CASZ1: variants seen among roughly 807,000 people sequenced by gnomAD.
The protein encoded by CASZ1 is zinc finger protein castor homolog 1.
CASZ1 carries 28 observed loss-of-function variants against 135.2 expected under a neutral mutation model. The observed-to-expected ratio is 0.21, with a 90% CI of 0.15 to 0.28. CASZ1 has a LOEUF of 0.28. Among genes scored for constraint, CASZ1 ranks in the 10% least tolerant of loss-of-function variants. The probability of loss-of-function intolerance (pLI) is 1.00; values close to 1 mark genes in which losing one functional copy is unlikely to be tolerated. For missense variants in CASZ1, 2,161 were observed against 2,453.3 expected, an observed-to-expected ratio of 0.88 and a Z score of 2.52; for synonymous variants, 1,068 against 1,073.4, an observed-to-expected ratio of 0.99 and a Z score of 0.10.
At chr1:10,663,011 C>A (rs1458913409) in intron 5 of CASZ1, among the ~76,000 whole-genome samples, 1 of 152,266 alleles carries the variant, frequency 6.6e-6, no homozygotes, top group African/African-American at 2.4e-5. Context: ...TGCTACATGC[C>A]TCCCGTGTGC....
intron 1 of CASZ1, among the ~76,000 whole-genome samples, chr1:10,761,494 C>T (rs1249169995): frequency 1.3e-5 from 2 of 152,196 alleles, no homozygotes; most frequent in African/African-American, 4.8e-5. Flanking sequence ...GGGTGTGGGC[C>T]CTTGCCCTGA....
Position 10,735,849 on chromosome 1 carries a change from T to G in CASZ1, c.-77+24852A>C, listed in dbSNP as rs532646904. Among the ~76,000 whole-genome samples, 2 of 152,244 alleles carry G rather than the reference T, an allele frequency of 1.3e-5. No homozygotes were observed. The highest frequency in any genetic ancestry group is 4.1e-4 in the South Asian group (2 of 4,822). Reference sequence around the variant, plus strand: ...AGGTAGTCAGGGAGCCCAGAGGCAGTGGCTTAGGATCAGGGGCAGCCCCAG... The same window carrying G: ...AGGTAGTCAGGGAGCCCAGAGGCAGGGGCTTAGGATCAGGGGCAGCCCCAG... On this transcript the variant is annotated intron_variant, in intron 2 of 20. Transcript: ENST00000377022. The surrounding 1 kb of genome is among the most constrained non-coding windows in gnomAD (Gnocchi z 5.1).
intron 4 of CASZ1, among the ~76,000 whole-genome samples, chr1:10,668,239 C>T (rs944742479): frequency 5.9e-5 from 9 of 152,124 alleles, no homozygotes; most frequent in African/African-American, 1.9e-4. Flanking sequence ...GATCCATAGA[C>T]GATCCGCCCC....
chr1:10,732,320 CAAAAAAA>C (rs779997881), intron 2 of CASZ1, among the ~76,000 whole-genome samples: 2 of 65,566 alleles, frequency 3.1e-5, no homozygotes, highest in Admixed American at 1.7e-4. Flanking sequence ...GACTCCGTCT[CAAAAAAA>C]AAAAAAAAAG....
rs540526023 is a variant in CASZ1, at chr1:10,719,988, A to T, written c.-76-14444T>A. On this transcript the variant is annotated intron_variant, in intron 2 of 20. Coordinates refer to ENST00000377022, the MANE Select transcript of CASZ1 (RefSeq NM_001079843.3). The surrounding 1 kb of genome is among the most constrained non-coding windows in gnomAD (Gnocchi z 4.0). Reference sequence around the variant, plus strand: ...GCACCAGGGTGCGGTGTGTTTGCGCACAAAAAGAATAGTCAGCTGGGATCA... The same window carrying T: ...GCACCAGGGTGCGGTGTGTTTGCGCTCAAAAAGAATAGTCAGCTGGGATCA... Among the ~76,000 whole-genome samples, 6 of 152,346 alleles carry T rather than the reference A, an allele frequency of 3.9e-5. No homozygotes were observed. The South Asian group carries it at 1.2e-3, about 32-fold the overall frequency.
intron 2 of CASZ1, among the ~76,000 whole-genome samples, chr1:10,752,516 G>C (rs1022740010): frequency 1.7e-4 from 26 of 152,140 alleles, no homozygotes; most frequent in African/African-American, 6.0e-4. Flanking sequence ...GCAAGTGGCC[G>C]GCGTTTGCCT....
At chr1:10,785,959 G>A (rs149302280) in intron 1 of CASZ1, among the ~76,000 whole-genome samples, 2 of 152,216 alleles carry the variant, frequency 1.3e-5, no homozygotes, top group Admixed American at 6.5e-5. Flanking sequence ...GGAAACAAAG[G>A]CTTCGAGGAA....
intron 8 of CASZ1, among the ~76,000 whole-genome samples, chr1:10,656,031 G>A (rs1642778800): frequency 2.0e-5 from 3 of 152,196 alleles, no homozygotes; most frequent in Non-Finnish European, 4.4e-5. Flanking sequence ...ATTCTTCCCC[G>A]ATGCTCCCCT....
At chr1:10,791,441 A>C (rs1640953465) in intron 1 of CASZ1, among the ~76,000 whole-genome samples, 1 of 152,220 alleles carries the variant, frequency 6.6e-6, no homozygotes, top group Non-Finnish European at 1.5e-5. Context: ...AATACAGGAG[A>C]AATACTTATT....
In CASZ1 at chr1:10,754,904, T is replaced by C. The variant is rs371979061; in HGVS notation, c.-77+5797A>G. 2.5e-3 allele frequency among the ~76,000 whole-genome samples: 374 copies of C among 152,382 alleles called. 8 individuals carry two copies. The South Asian group carries it at 0.075, about 30-fold the overall frequency. On this transcript the variant is annotated intron_variant, in intron 2 of 20. Coordinates refer to ENST00000377022, the MANE Select transcript of CASZ1 (RefSeq NM_001079843.3). ...GTCGCTTTTAATTGCTTTTCCCGAT[T>C]AGCATTTCTGGAGAAGAAACTAGTG...
rs1639248643 is a variant in CASZ1 at position 10,709,725 on chromosome 1, A to G, written c.-76-4181T>C. ...AGAGAAAGGCCCCAGGCAGGGGCTG[A>G]GCAGTGCCCCGGGCAGTGCCGCAGG... On this transcript the variant is annotated intron_variant, in intron 2 of 20. Coordinates refer to ENST00000377022, the MANE Select transcript of CASZ1 (RefSeq NM_001079843.3). The surrounding 1 kb of genome is among the most constrained non-coding windows in gnomAD (Gnocchi z 5.1). Among the ~76,000 whole-genome samples the G allele has an allele frequency of 6.6e-6, 1 of 152,210 alleles. No homozygotes were observed. The highest frequency in any genetic ancestry group is 6.5e-5 in the Admixed American group (1 of 15,286).
intron 1 of CASZ1, among the ~76,000 whole-genome samples, chr1:10,779,479 C>T (rs759343542): frequency 1.6e-4 from 25 of 152,162 alleles, no homozygotes; most frequent in Non-Finnish European, 3.1e-4. Context: ...TCTCGCCTGG[C>T]GCTGCCCCGC....
chr1:10,658,602 C>A, intron 6 of CASZ1, 26 bp from the exon 7 acceptor site: 1 of 1,609,280 alleles, frequency 6.2e-7, no homozygotes, highest in South Asian at 1.1e-5. Context: ...CAGGGCACAG[C>A]CGGTGAGCAG....
intron 2 of CASZ1, among the ~76,000 whole-genome samples, chr1:10,710,148 A>AT (rs1427195141): frequency 6.6e-6 from 1 of 152,130 alleles, no homozygotes; most frequent in Non-Finnish European, 1.5e-5. Flanking sequence ...AATCATAGTA[A>AT]TTTTTAAAAA....
At chr1:10,787,279 A>T (rs971025610) in intron 1 of CASZ1, among the ~76,000 whole-genome samples, 3 of 152,182 alleles carry the variant, frequency 2.0e-5, no homozygotes, top group African/African-American at 7.2e-5. Context: ...ATCTCGCAAG[A>T]CCTTAAGTGT....
At chr1:10,651,152 T>TCCA in intron 11 of CASZ1, 76 bp from the exon 12 acceptor site, 2 of 1,263,832 alleles carry the variant, frequency 1.6e-6, no homozygotes, top group Non-Finnish European at 2.1e-6. Flanking sequence ...CCGTGCCCCC[T>TCCA]GGAGGGAGGG....
chr1:10,715,827 A>ACTC (rs1639375477), intron 2 of CASZ1, among the ~76,000 whole-genome samples: 1 of 77,330 alleles, frequency 1.3e-5, no homozygotes, highest in Non-Finnish European at 2.4e-5. Context: ...TCCAATCCGC[A>ACTC]CCTACAGCAC....
intron 3 of CASZ1, among the ~76,000 whole-genome samples, chr1:10,703,587 C>G (rs918268308): frequency 1.3e-5 from 2 of 152,182 alleles, no homozygotes; most frequent in East Asian, 3.9e-4. Flanking sequence ...AATAGAAGAC[C>G]CAGGGCTGCC....
chr1:10,728,624 C>G (rs1222796429), intron 2 of CASZ1, among the ~76,000 whole-genome samples: 2 of 151,794 alleles, frequency 1.3e-5, no homozygotes, highest in African/African-American at 4.8e-5. Flanking sequence ...TTATTTCCCC[C>G]TCTTGGTCAG....
Sources: gnomAD v4.1 joint callset for allele counts (sites outside exome capture counted in the v4.1 genomes callset) on GRCh38, gnomAD v4.1.1 for gene constraint, Gnocchi (gnomAD v3.1) non-coding constraint, MANE v1.5 for transcripts, NCBI Gene and HGNC (gene_info 2026-07-23, HGNC 2026-07-21) for gene names.